The following PCDHGB3 variants were observed in gnomAD, a reference collection of about 807,000 sequenced individuals.
PCDHGB3 encodes the protein protocadherin gamma subfamily B, 3.
In PCDHGB3, 40 loss-of-function variants were observed where a neutral mutation model predicts 59.2. The ratio of observed to expected loss-of-function variants is 0.68; its 90% confidence interval spans 0.52 to 0.88. The LOEUF is 0.88. Among genes scored for constraint, PCDHGB3 ranks in the 40% least tolerant of loss-of-function variants. PCDHGB3 has a pLI of 0.00. For missense variants in PCDHGB3, 1,309 were observed against 1,187.9 expected, an observed-to-expected ratio of 1.10 and a Z score of -1.50; for synonymous variants, 581 against 503.6, an observed-to-expected ratio of 1.15 and a Z score of -2.06.
intron 2 of PCDHGB3, among the ~76,000 whole-genome samples, chr5:141,501,287 TTA>T (rs1491235092): frequency 6.2e-5 from 6 of 96,980 alleles, no homozygotes; most frequent in African/African-American, 2.5e-4. Context: ...GGATATTCCC[TTA>T]TACACACACA....
At chr5:141,433,349 T>C in intron 1 of PCDHGB3, 1 of 616,610 alleles carries the variant, frequency 1.6e-6, no homozygotes, top group East Asian at 2.8e-5. Flanking sequence ...GCAAGCCACC[T>C]ACTGTCTGCC....
intron 1 of PCDHGB3, among the ~76,000 whole-genome samples, chr5:141,401,115 G>C (rs923480761): frequency 5.9e-5 from 9 of 151,974 alleles, no homozygotes; most frequent in African/African-American, 1.7e-4. Context: ...AGGCCGAGGC[G>C]GTTGGATCAC....
chr5:141,479,651 C>A (rs56818742), intron 1 of PCDHGB3: 43,954 of 152,194 alleles, frequency 0.29, 6,853 homozygotes, highest in African/African-American at 0.41. Flanking sequence ...ACAACAACAA[C>A]AATCCCAGAA....
Position 141,388,205 on chromosome 5 carries a change from G to T in PCDHGB3, c.2415+15396G>T, listed in dbSNP as rs2091277297. 6.3e-7 allele frequency: 1 copy of T among 1,578,264 alleles called. No homozygotes were observed. ...AGCCAGCTTGTGCTCTGGAATTTGA[G>T]GCTGTTGCTGAAAATCCACTGAACT... On this transcript the variant is annotated intron_variant, in intron 1 of 3. Transcript: ENST00000576222.
intron 1 of PCDHGB3, among the ~76,000 whole-genome samples, chr5:141,434,448 G>A (rs2097694852): frequency 6.6e-6 from 1 of 152,210 alleles, no homozygotes; most frequent in Non-Finnish European, 1.5e-5. Context: ...CATGCTGGAA[G>A]GTAGTGGGTT....
chr5:141,478,878 T>C (rs946127535), intron 1 of PCDHGB3: 8 of 1,250,076 alleles, frequency 6.4e-6, no homozygotes, highest in Non-Finnish European at 8.6e-6. Context: ...GAGTTTAGCT[T>C]GGTATCATTT....
At chr5:141,375,947 C>A in intron 1 of PCDHGB3, 2 of 1,613,578 alleles carry the variant, frequency 1.2e-6, no homozygotes, top group Non-Finnish European at 8.5e-7. Context: ...AGTGGGCCTG[C>A]ACACGGGCGA....
chr5:141,388,407 A>G (rs2091351140), intron 1 of PCDHGB3: 6 of 1,613,878 alleles, frequency 3.7e-6, no homozygotes, highest in Middle Eastern at 3.3e-4. Flanking sequence ...ACTCAGTCCC[A>G]GTGATCATTT....
chr5:141,374,384 C>A, intron 1 of PCDHGB3: 1 of 1,613,962 alleles, frequency 6.2e-7, no homozygotes, highest in East Asian at 2.2e-5. Flanking sequence ...TCAGAGCCCG[C>A]GGTGTCTGGT....
chr5:141,384,553 G>C, intron 1 of PCDHGB3: 1 of 1,614,270 alleles, frequency 6.2e-7, no homozygotes, highest in Non-Finnish European at 8.5e-7. Context: ...GAGCCTGTTC[G>C]TGCTGGACCA....
chr5:141,454,618 C>T (rs1259161504), intron 1 of PCDHGB3, among the ~76,000 whole-genome samples: 1 of 151,470 alleles, frequency 6.6e-6, no homozygotes, highest in Non-Finnish European at 1.5e-5. Flanking sequence ...GTTGGTCAGG[C>T]TGGTCTCGAA....
chr5:141,454,407 T>TTTTA (rs1029547484), intron 1 of PCDHGB3, among the ~76,000 whole-genome samples: 21 of 152,236 alleles, frequency 1.4e-4, no homozygotes, highest in Admixed American at 1.2e-3. Flanking sequence ...GCTTATTCCT[T>TTTTA]TTTATTTATT....
At chr5:141,414,061 T>C in intron 1 of PCDHGB3, 1 of 1,609,248 alleles carries the variant, frequency 6.2e-7, no homozygotes, top group Non-Finnish European at 8.5e-7. Flanking sequence ...ATTGTTGAAG[T>C]TCCAACTAAA....
chr5:141,409,868 A>C (rs2095328786), intron 1 of PCDHGB3: 2 of 1,612,688 alleles, frequency 1.2e-6, no homozygotes, highest in Admixed American at 1.7e-5. Flanking sequence ...GGGAGACCGC[A>C]ATGACAACGC....
intron 1 of PCDHGB3, chr5:141,383,000 C>T (rs1330577304): frequency 6.2e-7 from 1 of 1,613,646 alleles, no homozygotes; most frequent in Non-Finnish European, 8.5e-7. Context: ...ATTCTCTACT[C>T]CGTGTCGGAG....
intron 1 of PCDHGB3, chr5:141,416,492 A>G (rs183273356): frequency 1.4e-4 from 22 of 152,306 alleles, no homozygotes; most frequent in Admixed American, 1.4e-3. Flanking sequence ...AACAGGAGCA[A>G]GAGATATATG....
At chr5:141,375,313 A>C in intron 1 of PCDHGB3, 1 of 1,613,824 alleles carries the variant, frequency 6.2e-7, no homozygotes, top group Non-Finnish European at 8.5e-7. Context: ...ATGCAGCTCT[A>C]GACCGGGAAG....
chr5:141,487,709 A>G lies in PCDHGB3; in HGVS notation c.2416-7098A>G. On this transcript the variant is annotated intron_variant, in intron 1 of 3. Coordinates refer to ENST00000576222, the MANE Select transcript of PCDHGB3 (RefSeq NM_018924.5). This position sits in a 1 kb window ranked among gnomAD's most constrained non-coding sequence, Gnocchi z 5.0. ...CCTAGAGAGTACTGGCCTCTCAGTA[A>G]GTGCCCATAGTGATGTCACCATTTT... is the stretch of plus-strand genomic sequence containing the variant. 6.3e-7 allele frequency: 1 copy of G among 1,586,184 alleles called. No individual in the cohort carries two copies. Among genetic ancestry groups the G allele is most frequent in the South Asian group, 1.1e-5 (1 of 87,958 alleles).
intron 1 of PCDHGB3, chr5:141,374,487 A>C: frequency 6.2e-7 from 1 of 1,611,648 alleles, no homozygotes; most frequent in Non-Finnish European, 8.5e-7. Flanking sequence ...CGATTCTTAA[A>C]GGAAGAATTG....
Sources: gnomAD v4.1 joint callset for allele counts (sites outside exome capture counted in the v4.1 genomes callset) on GRCh38, gnomAD v4.1.1 for gene constraint, Gnocchi (gnomAD v3.1) non-coding constraint, MANE v1.5 for transcripts, NCBI Gene and HGNC (gene_info 2026-07-23, HGNC 2026-07-21) for gene names.